The following SORCS2 variants were observed in gnomAD, a reference collection of about 807,000 sequenced individuals.
The protein encoded by SORCS2 is sortilin related VPS10 domain containing receptor 2.
A neutral mutation model predicts 141.6 loss-of-function variants in SORCS2; 100 were observed. The ratio of observed to expected loss-of-function variants is 0.71; its 90% CI spans 0.60 to 0.83. The LOEUF is 0.83. SORCS2 is among the 40% of genes least tolerant of loss of function. The probability of loss-of-function intolerance (pLI) is 0.00; values close to 1 mark genes in which losing one functional copy is unlikely to be tolerated. For missense variants in SORCS2, 1,646 were observed against 1,560.2 expected, an observed-to-expected ratio of 1.05 and a Z score of -0.93; for synonymous variants, 789 against 676.9, an observed-to-expected ratio of 1.17 and a Z score of -2.57.
At chr4:7,239,257 A>C (rs1712514908) in intron 1 of SORCS2, among the ~76,000 whole-genome samples, 1 of 152,200 alleles carries the variant, frequency 6.6e-6, no homozygotes, top group South Asian at 2.1e-4. Flanking sequence ...CTATGTTGGC[A>C]GCTTCTGAGC....
intron 1 of SORCS2, among the ~76,000 whole-genome samples, chr4:7,360,037 A>G (rs1389456189): frequency 6.6e-6 from 1 of 152,166 alleles, no homozygotes; most frequent in Non-Finnish European, 1.5e-5. Flanking sequence ...CCCTAAAACA[A>G]TTACATGCAT....
intron 2 of SORCS2, among the ~76,000 whole-genome samples, chr4:7,494,892 TG>T (rs1361515694): frequency 1.3e-5 from 2 of 152,124 alleles, no homozygotes; most frequent in African/African-American, 4.8e-5. Context: ...GAACTGGAAG[TG>T]GGTGATGGAG....
chr4:7,739,445 T>C (rs1712470426), intron 26 of SORCS2, among the ~76,000 whole-genome samples: 1 of 151,772 alleles, frequency 6.6e-6, no homozygotes, highest in Admixed American at 6.6e-5. Flanking sequence ...CCCTAAAGAG[T>C]AATCCTAGTG....
At chr4:7,565,979 G>A (rs368441738) in intron 3 of SORCS2, among the ~76,000 whole-genome samples, 3 of 35,036 alleles carry the variant, frequency 8.6e-5, no homozygotes, top group Non-Finnish European at 2.1e-4. Context: ...TGATGATGGT[G>A]ATGATAATGG....
intron 10 of SORCS2, among the ~76,000 whole-genome samples, chr4:7,686,133 C>T (rs1723857387): frequency 6.6e-6 from 1 of 152,220 alleles, no homozygotes; most frequent in Non-Finnish European, 1.5e-5. Flanking sequence ...GACCAGCTTC[C>T]CGTCTGGGGA....
chr4:7,340,930 C>G (rs1241417535), intron 1 of SORCS2, among the ~76,000 whole-genome samples: 1 of 152,214 alleles, frequency 6.6e-6, no homozygotes, highest in African/African-American at 2.4e-5. Context: ...TCCCTGAGCC[C>G]CATCATTGGC....
intron 14 of SORCS2, among the ~76,000 whole-genome samples, chr4:7,710,791 C>T (rs1725781665): frequency 6.6e-6 from 1 of 152,246 alleles, no homozygotes; most frequent in Admixed American, 6.5e-5. Flanking sequence ...GGCAGAGTCA[C>T]AGCCGTACCT....
chr4:7,633,683 C>T (rs559959532), intron 3 of SORCS2, among the ~76,000 whole-genome samples: 2 of 152,186 alleles, frequency 1.3e-5, no homozygotes, highest in Non-Finnish European at 2.9e-5. Context: ...CTTAAATGTT[C>T]GTAAGGTTGT....
chr4:7,336,845 C>A (rs953282942), intron 1 of SORCS2, among the ~76,000 whole-genome samples: 3 of 152,156 alleles, frequency 2.0e-5, no homozygotes, highest in African/African-American at 7.2e-5. Context: ...GAGGCTGTGT[C>A]CCCACGGAGC....
intron 1 of SORCS2, among the ~76,000 whole-genome samples, chr4:7,388,881 C>T (rs1251338074): frequency 4.0e-5 from 6 of 148,628 alleles, no homozygotes; most frequent in Non-Finnish European, 7.5e-5. Flanking sequence ...TGGGTTATTT[C>T]TGGTCTCTGG....
rs1317283664 is a variant in SORCS2, at chr4:7,701,529, C to T, written c.1669-1751C>T. Among the ~76,000 whole-genome samples, 4 of 152,170 alleles carry T rather than the reference C, an allele frequency of 2.6e-5. No homozygotes were observed. The East Asian group carries it at 5.8e-4, about 22-fold the overall frequency. Reference sequence around the variant, plus strand: ...AAGCAAGGTCAAGGTGGGCAGGGGCCCCTCCTTCGGGGCCCTGAGGCCGTG... The same window carrying T: ...AAGCAAGGTCAAGGTGGGCAGGGGCTCCTCCTTCGGGGCCCTGAGGCCGTG... On this transcript the variant is annotated intron_variant, in intron 12 of 26. Coordinates refer to ENST00000507866, the MANE Select transcript of SORCS2 (RefSeq NM_020777.3).
chr4:7,412,161 G>A (rs956539833), intron 2 of SORCS2, among the ~76,000 whole-genome samples: 4 of 152,192 alleles, frequency 2.6e-5, no homozygotes, highest in African/African-American at 7.2e-5. Context: ...GGAGCTGCCC[G>A]GAGTGTGTCA....
intron 3 of SORCS2, among the ~76,000 whole-genome samples, chr4:7,631,284 C>T (rs1719875698): frequency 6.6e-6 from 1 of 151,154 alleles, no homozygotes. Flanking sequence ...CAGGTCCAAG[C>T]AGGAGACCAG....
In SORCS2 at chr4:7,202,910, T is replaced by C. The variant is rs1727550213; in HGVS notation, c.480+9784T>C. On this transcript the variant is annotated intron_variant, in intron 1 of 26. Coordinates refer to ENST00000507866, the MANE Select transcript of SORCS2 (RefSeq NM_020777.3). ...TGATTAGTAATAATAAAGTTAATAATCACAGCCCCTATCTACGTGCCGGAT... is the reference window on the plus strand; with the variant it reads ...TGATTAGTAATAATAAAGTTAATAACCACAGCCCCTATCTACGTGCCGGAT... Among the ~76,000 whole-genome samples the C allele has an allele frequency of 2.0e-5, 3 of 152,110 alleles. No homozygotes were observed. The South Asian group carries it at 6.2e-4, about 32-fold the overall frequency.
intron 1 of SORCS2, among the ~76,000 whole-genome samples, chr4:7,203,932 T>G (rs1577271621): frequency 6.6e-6 from 1 of 152,254 alleles, no homozygotes; most frequent in South Asian, 2.1e-4. Flanking sequence ...TTGTGTCTGG[T>G]TTATTTCACT....
chr4:7,617,488 G>C (rs1440038745), intron 3 of SORCS2, among the ~76,000 whole-genome samples: 1 of 152,164 alleles, frequency 6.6e-6, no homozygotes, highest in Non-Finnish European at 1.5e-5. Flanking sequence ...AGAATCTGCT[G>C]TCTGACGTCA....
At chr4:7,674,181 G>A (rs974330252) in intron 8 of SORCS2, among the ~76,000 whole-genome samples, 9 of 151,632 alleles carry the variant, frequency 5.9e-5, no homozygotes, top group Non-Finnish European at 1.0e-4. Context: ...TGTGTGTCTC[G>A]GTGCCAGTCA....
At chr4:7,281,396 TCA>T (rs1168622335) in intron 1 of SORCS2, among the ~76,000 whole-genome samples, 1 of 152,168 alleles carries the variant, frequency 6.6e-6, no homozygotes, top group Non-Finnish European at 1.5e-5. Flanking sequence ...GGCATCTGAC[TCA>T]CAAGGGGCTG....
chr4:7,505,181 T>C (rs1171922922), intron 2 of SORCS2, among the ~76,000 whole-genome samples: 1 of 152,088 alleles, frequency 6.6e-6, no homozygotes, highest in Non-Finnish European at 1.5e-5. Flanking sequence ...CGTTGTGGCT[T>C]CTGAATTTTA....
Sources: allele counts gnomAD v4.1 joint callset (sites outside exome capture counted in the v4.1 genomes callset), GRCh38; gene constraint gnomAD v4.1.1; transcripts MANE v1.5; gene names NCBI Gene and HGNC (gene_info 2026-07-23, HGNC 2026-07-21).